PIK3C2G: variants seen among roughly 807,000 people sequenced by gnomAD.
PIK3C2G encodes phosphatidylinositol-4-phosphate 3-kinase catalytic subunit type 2 gamma.
A neutral mutation model predicts 181.1 loss-of-function variants in PIK3C2G; 168 were observed. The ratio of observed to expected loss-of-function variants is 0.93; its 90% CI spans 0.82 to 1.05. The LOEUF (loss-of-function observed/expected upper bound fraction) is 1.05, where lower values mean the gene tolerates loss of function less well. Among genes scored for constraint, PIK3C2G ranks in the 50% least tolerant of loss-of-function variants. The probability of loss-of-function intolerance (pLI) is 0.00; values close to 1 mark genes in which losing one functional copy is unlikely to be tolerated. For synonymous variants in PIK3C2G, 573 were observed against 592.2 expected (o/e 0.97, Z 0.47); for missense variants, 1,869 against 1,732.8 (o/e 1.08, Z -1.40).
the PIK3C2G span, chr12:18,719,709 A>G: frequency 1.0e-6 from 1 of 971,242 alleles, no homozygotes; most frequent in East Asian, 2.7e-5. Context: ...TCTCACTTGT[A>G]AACTTACTCA....
the PIK3C2G span, among the ~76,000 whole-genome samples, chr12:18,657,187 C>A: frequency 6.6e-6 from 1 of 152,074 alleles, no homozygotes; most frequent in South Asian, 2.1e-4. Flanking sequence ...TTTGCCACTG[C>A]TGCTGGGGAC....
In PIK3C2G at chr12:18,282,396, A is replaced by G. The variant is rs1253781251; in HGVS notation, c.315A>G (p.Pro105=). 2 of 1,613,576 alleles carry G rather than the reference A, an allele frequency of 1.2e-6. No homozygotes were observed. The highest frequency in any genetic ancestry group is 1.3e-5 in the African/African-American group (1 of 75,044). The stretch of plus-strand genomic sequence containing the variant: ...CCTGGCATCAAGTTAGCAAAGCACC[A>G]GCAATTGGTTTTAGTCCTTCTGTGT... ...ELSWHQVSKA[P]AIGFSPSVLP... The change falls in exon 2 of 33, where the codon CCA becomes CCG. Residue 105 remains proline, a synonymous_variant. Coordinates refer to ENST00000538779, the MANE Select transcript of PIK3C2G (RefSeq NM_001288772.2).
At chr12:18,358,346 G>A (rs1015993910) in intron 11 of PIK3C2G, 5 of 156,690 alleles carry the variant, frequency 3.2e-5, no homozygotes, top group African/African-American at 1.2e-4. Flanking sequence ...TGTAAGGATA[G>A]TTTGAGATCA....
chr12:18,338,804 T>C (rs1171916797), intron 9 of PIK3C2G, among the ~76,000 whole-genome samples: 2 of 151,754 alleles, frequency 1.3e-5, no homozygotes, highest in Admixed American at 6.6e-5. Context: ...AGAACACTGA[T>C]TACACCTTTG....
intron 20 of PIK3C2G, chr12:18,493,264 T>G (rs1320734155): frequency 6.6e-6 from 1 of 152,202 alleles, no homozygotes; most frequent in Admixed American, 6.5e-5. Flanking sequence ...TATAAAAACC[T>G]TATTTAAATG....
At chr12:18,519,007 G>C (rs1162263180) in intron 24 of PIK3C2G, among the ~76,000 whole-genome samples, 2 of 152,172 alleles carry the variant, frequency 1.3e-5, no homozygotes, top group Admixed American at 6.5e-5. Context: ...AGTCATTCAG[G>C]AGCTGGTTGT....
chr12:18,569,118 C>T lies in PIK3C2G; in HGVS notation c.4011+2061C>T, dbSNP rs1223148762. ...CAAATAGAATATGGTGGAAGTGACCCTTTATGACTTCCAAGATAGGTTAGA... is the reference window on the plus strand; with the variant it reads ...CAAATAGAATATGGTGGAAGTGACCTTTTATGACTTCCAAGATAGGTTAGA... On this transcript the variant is annotated intron_variant, in intron 29 of 32. Coordinates refer to ENST00000538779, the MANE Select transcript of PIK3C2G (RefSeq NM_001288772.2). Among the ~76,000 whole-genome samples the T allele has an allele frequency of 2.6e-5, 4 of 152,070 alleles. No individual in the cohort carries two copies. The East Asian group carries it at 7.7e-4, about 29-fold the overall frequency.
At chr12:18,478,704 A>C (rs1024411507) in intron 18 of PIK3C2G, among the ~76,000 whole-genome samples, 4 of 152,142 alleles carry the variant, frequency 2.6e-5, no homozygotes, top group Admixed American at 6.5e-5. Flanking sequence ...AAGGCTGGGC[A>C]TGGTGGCTCA....
chr12:18,352,031 TCCC>T (rs2137707104), intron 11 of PIK3C2G, among the ~76,000 whole-genome samples: 1 of 152,270 alleles, frequency 6.6e-6, no homozygotes, highest in East Asian at 1.9e-4. Flanking sequence ...TCACAATATA[TCCC>T]TTTGTTTTAT....
At chr12:18,525,111 C>T (rs114002764) in intron 24 of PIK3C2G, among the ~76,000 whole-genome samples, 1,824 of 151,798 alleles carry the variant, frequency 0.012, 32 homozygotes, top group African/African-American at 0.042. Context: ...GTATATTGGG[C>T]CAGACCTGAT....
At chr12:18,538,662 T>C (rs1386572561) in intron 25 of PIK3C2G, among the ~76,000 whole-genome samples, 1 of 151,916 alleles carries the variant, frequency 6.6e-6, no homozygotes, top group African/African-American at 2.4e-5. Flanking sequence ...ACTATCTCAT[T>C]TATATATCAT....
the PIK3C2G span, among the ~76,000 whole-genome samples, chr12:18,661,662 T>A: frequency 6.6e-6 from 1 of 152,054 alleles, no homozygotes; most frequent in Non-Finnish European, 1.5e-5. Context: ...CTGGTGAGGC[T>A]GTGGAGAAAA....
In PIK3C2G at chr12:18,291,017, G is replaced by C. The variant is rs988288557; in HGVS notation, c.919+5G>C. ...CTCTTCATTTTATGCCATGTGGTAA[G>C]CAACCTTGCAAATAAGTCTACAAAT... is the stretch of plus-strand genomic sequence containing the variant. On this transcript the variant is annotated splice_donor_5th_base_variant and intron_variant, in intron 4 of 32. Coordinates refer to ENST00000538779, the MANE Select transcript of PIK3C2G (RefSeq NM_001288772.2). The C allele has an allele frequency of 1.1e-5, 17 of 1,580,230 alleles. No individual in the cohort carries two copies. The African/African-American group carries it at 2.3e-4, about 21-fold the overall frequency.
At chr12:18,255,224 T>TA (rs58258891) in intron 1 of PIK3C2G, among the ~76,000 whole-genome samples, 11,818 of 108,906 alleles carry the variant, frequency 0.11, 1,005 homozygotes, top group African/African-American at 0.24. Flanking sequence ...CAAAAATAAA[T>TA]AAATAAATAA....
At chr12:18,281,053 A>G (rs757354850) in intron 1 of PIK3C2G, among the ~76,000 whole-genome samples, 3 of 151,894 alleles carry the variant, frequency 2.0e-5, no homozygotes, top group Non-Finnish European at 4.4e-5. Flanking sequence ...TTCTTGGGTG[A>G]ATTATGATTG....
chr12:18,680,705 T>C, the PIK3C2G span, among the ~76,000 whole-genome samples: 9 of 152,200 alleles, frequency 5.9e-5, no homozygotes, highest in South Asian at 1.9e-3. Flanking sequence ...CACAGTTGCA[T>C]CTATTGCTCA....
chr12:18,489,854 G>A (rs1481621542), intron 19 of PIK3C2G, among the ~76,000 whole-genome samples: 1 of 151,904 alleles, frequency 6.6e-6, no homozygotes, highest in Non-Finnish European at 1.5e-5. Flanking sequence ...AAATAATTCT[G>A]GTGCTTTTTT....
chr12:18,708,946 C>A, the PIK3C2G span, among the ~76,000 whole-genome samples: 1 of 151,858 alleles, frequency 6.6e-6, no homozygotes, highest in Non-Finnish European at 1.5e-5. Context: ...ATATTTTTTC[C>A]CCAATTCATA....
intron 20 of PIK3C2G, among the ~76,000 whole-genome samples, 184 bp downstream of exon 20, chr12:18,491,742 T>C (rs1419075761): frequency 6.6e-6 from 1 of 152,068 alleles, no homozygotes; most frequent in African/African-American, 2.4e-5. Context: ...TGGGATCACA[T>C]TGGCCTTATC....
Sources: gnomAD v4.1 joint callset for allele counts (sites outside exome capture counted in the v4.1 genomes callset) on GRCh38, gnomAD v4.1.1 for gene constraint, MANE v1.5 for transcripts, NCBI Gene and HGNC (gene_info 2026-07-23, HGNC 2026-07-21) for gene names.